PPARGC1A: variants seen among roughly 807,000 people sequenced by gnomAD.
The protein encoded by PPARGC1A is PPARG coactivator 1 alpha.
In PPARGC1A, 25 loss-of-function variants were observed where a neutral mutation model predicts 88.7. The ratio of observed to expected loss-of-function variants is 0.28; its 90% CI spans 0.21 to 0.39. PPARGC1A has a LOEUF of 0.39. Ranked by LOEUF, PPARGC1A falls within the 10% of genes least tolerant of loss-of-function variation. PPARGC1A has a pLI of 1.00. For missense variants in PPARGC1A, 880 were observed against 968.7 expected (o/e 0.91, Z 1.22); for synonymous variants, 363 against 355.6 (o/e 1.02, Z -0.24).
chr4:24,071,422 G>T, the PPARGC1A span, among the ~76,000 whole-genome samples: 1 of 151,942 alleles, frequency 6.6e-6, no homozygotes, highest in Non-Finnish European at 1.5e-5. Context: ...GCTACCAATG[G>T]TGTTTTCTAA....
At chr4:24,382,214 T>C in the PPARGC1A span, among the ~76,000 whole-genome samples, 1 of 152,190 alleles carries the variant, frequency 6.6e-6, no homozygotes, top group Admixed American at 6.5e-5. Context: ...AATGAAATAA[T>C]GTACAGTCAC....
chr4:23,843,373 T>C (rs1577474920), intron 2 of PPARGC1A, among the ~76,000 whole-genome samples: 1 of 152,196 alleles, frequency 6.6e-6, no homozygotes, highest in Non-Finnish European at 1.5e-5. Flanking sequence ...ACTTACAAGG[T>C]GTGTGACCTT....
chr4:24,043,723 A>G, the PPARGC1A span, among the ~76,000 whole-genome samples: 2 of 152,228 alleles, frequency 1.3e-5, no homozygotes, highest in African/African-American at 4.8e-5. Context: ...TGGGGTAAAT[A>G]ATGTTAGGTA....
At chr4:23,973,084 G>A in the PPARGC1A span, among the ~76,000 whole-genome samples, 1 of 152,202 alleles carries the variant, frequency 6.6e-6, no homozygotes, top group Non-Finnish European at 1.5e-5. Flanking sequence ...CTGGGCTTGG[G>A]ATGGATGCTG....
At chr4:23,883,304 T>C (rs1335001331) in intron 2 of PPARGC1A, 1 of 152,228 alleles carries the variant, frequency 6.6e-6, no homozygotes, top group Non-Finnish European at 1.5e-5. Flanking sequence ...ATCTCAGCCA[T>C]AGGCAGAACC....
chr4:24,189,672 G>T, the PPARGC1A span, among the ~76,000 whole-genome samples: 15 of 152,052 alleles, frequency 9.9e-5, no homozygotes, highest in Admixed American at 1.3e-4. Flanking sequence ...TTCACAATTT[G>T]TTCATGTGGT....
At chr4:24,026,024 C>T in the PPARGC1A span, among the ~76,000 whole-genome samples, 7 of 152,142 alleles carry the variant, frequency 4.6e-5, no homozygotes, top group Non-Finnish European at 1.0e-4. Context: ...GCTTTGTCTG[C>T]CCTACATCTT....
chr4:24,011,488 A>G, the PPARGC1A span, among the ~76,000 whole-genome samples: 1 of 152,210 alleles, frequency 6.6e-6, no homozygotes, highest in African/African-American at 2.4e-5. Flanking sequence ...TGAACCCAAG[A>G]GGAAACATGC....
At chr4:23,831,520 A>G in intron 3 of PPARGC1A, 37 bp downstream of exon 3, 1 of 1,577,234 alleles carries the variant, frequency 6.3e-7, no homozygotes, top group African/African-American at 1.3e-5. Flanking sequence ...GCCAGAGGCA[A>G]CTCCAATTCC....
the PPARGC1A span, among the ~76,000 whole-genome samples, chr4:24,024,013 G>A: frequency 3.9e-5 from 6 of 152,116 alleles, no homozygotes; most frequent in Non-Finnish European, 7.3e-5. Flanking sequence ...TGCAAACATG[G>A]GCATGATTCG....
the PPARGC1A span, among the ~76,000 whole-genome samples, chr4:23,913,257 T>TAG: frequency 2.2e-5 from 1 of 46,102 alleles, no homozygotes; most frequent in Non-Finnish European, 4.2e-5. Context: ...TATATATATA[T>TAG]ATATATATAT....
At chr4:24,412,568 C>A in the PPARGC1A span, among the ~76,000 whole-genome samples, 1,269 of 152,314 alleles carry the variant, frequency 8.3e-3, 25 homozygotes, top group African/African-American at 0.029. Flanking sequence ...GCAACCTCCA[C>A]CTCCCGGGTT....
the PPARGC1A span, among the ~76,000 whole-genome samples, chr4:23,918,682 C>T: frequency 2.0e-5 from 3 of 152,096 alleles, no homozygotes; most frequent in East Asian, 1.9e-4. Flanking sequence ...GATCTTTTTA[C>T]CCAACATGGA....
At chr4:24,093,863 T>A in the PPARGC1A span, among the ~76,000 whole-genome samples, 1 of 152,188 alleles carries the variant, frequency 6.6e-6, no homozygotes, top group African/African-American at 2.4e-5. Context: ...CTGGTTTCCA[T>A]GTGTGTAAAG....
the PPARGC1A span, among the ~76,000 whole-genome samples, chr4:24,170,887 T>C: frequency 5.3e-5 from 8 of 152,270 alleles, no homozygotes; most frequent in East Asian, 1.5e-3. Context: ...CTCTGCTGCA[T>C]CCCCTTTCTC....
At chr4:24,392,543 C>T in the PPARGC1A span, among the ~76,000 whole-genome samples, 1 of 152,202 alleles carries the variant, frequency 6.6e-6, no homozygotes, top group Non-Finnish European at 1.5e-5. Context: ...CATAAAGCTG[C>T]CTCCCATTTT....
intron 2 of PPARGC1A, among the ~76,000 whole-genome samples, chr4:23,873,857 G>C (rs1453509448): frequency 6.6e-6 from 1 of 152,068 alleles, no homozygotes; most frequent in Non-Finnish European, 1.5e-5. Context: ...AACCCAAAAA[G>C]AGCCTCCAAG....
At chr4:24,031,999 G>C in the PPARGC1A span, among the ~76,000 whole-genome samples, 398 of 152,302 alleles carry the variant, frequency 2.6e-3, 2 homozygotes, top group African/African-American at 8.8e-3. Context: ...CTTGCCTCCT[G>C]TAACAGAAGT....
upstream of PPARGC1A, among the ~76,000 whole-genome samples, chr4:23,906,607 CAAAAAA>C (rs35171233): frequency 1.6e-5 from 1 of 63,726 alleles, no homozygotes; most frequent in Non-Finnish European, 3.9e-5. Flanking sequence ...CTCTGTCTCA[CAAAAAA>C]AAAAAAAAAA....
Sources: gnomAD v4.1 joint callset for allele counts (sites outside exome capture counted in the v4.1 genomes callset) on GRCh38, gnomAD v4.1.1 for gene constraint, MANE v1.5 for transcripts, NCBI Gene and HGNC (gene_info 2026-07-23, HGNC 2026-07-21) for gene names.